Variants in CIITA observed in about 807,000 individuals in gnomAD.
The protein encoded by CIITA is class II major histocompatibility complex transactivator.
In CIITA, 72 loss-of-function variants were observed where a neutral mutation model predicts 115.1. The observed-to-expected ratio is 0.63, with a 90% CI of 0.52 to 0.76. The LOEUF (loss-of-function observed/expected upper bound fraction) is 0.76. Ranked by LOEUF, CIITA falls within the 30% of genes least tolerant of loss-of-function variation. The pLI, the probability that CIITA is intolerant of heterozygous loss-of-function variation, is 0.00. For synonymous variants in CIITA, 763 were observed against 635.6 expected (o/e 1.20, Z -3.02); for missense variants, 1,617 against 1,463.8 (o/e 1.10, Z -1.71).
rs2040561752 is a variant in CIITA at position 10,927,081 on chromosome 16, A to G, written c.*3226A>G. The G allele has an allele frequency of 6.6e-6, 1 of 152,256 alleles. No individual in the cohort carries two copies. 9.4% of individuals were successfully genotyped at this position (152,256 alleles called of 1,614,324 possible). A position where few individuals can be genotyped will look rare whatever the true frequency, so the allele number is the denominator to read the frequency against. ...CAGTCTCCTCATTTGTAAAATGGGC[A>G]TAACCACAGCACCTTCTTTATAGGA... On this transcript the variant is annotated 3_prime_UTR_variant, in exon 20 of 20. Transcript: ENST00000324288.
In CIITA at chr16:10,898,710, G is replaced by A. The variant is rs1328291685; in HGVS notation, c.336G>A (p.Glu112=). ...DQYVFQDSQL[E]GLSKDIFKHI... ...ATGTCTTCCAGGACTCCCAGCTGGA[G>A]GGCCTGAGCAAGGACATTTTCAGTA... Residue 112 remains glutamate (E), a synonymous_variant, in exon 4 of 20, where the codon GAG becomes GAA. Transcript: ENST00000324288. 1 of 1,612,034 alleles carries A rather than the reference G, an allele frequency of 6.2e-7. No homozygotes were observed. The highest frequency in any genetic ancestry group is 1.3e-5 in the African/African-American group (1 of 74,802).
rs912526124 is a variant in CIITA at position 10,896,416 on chromosome 16, A to T, written c.295+652A>T. ...GGGTTGGAAGATTTGCTAAGGCTTA[A>T]GCAGAGAAGCTAATTTGTAGCCTTA... On this transcript the variant is annotated intron_variant, in intron 3 of 19. Coordinates refer to ENST00000324288, the MANE Select transcript of CIITA (RefSeq NM_000246.4). Among the ~76,000 whole-genome samples, 3 of 152,230 alleles carry T rather than the reference A, an allele frequency of 2.0e-5. No individual in the cohort carries two copies. In the South Asian group the frequency reaches 6.2e-4, roughly 31 times the overall value.
At chr16:10,892,304 A>T (rs1256291526) in intron 1 of CIITA, among the ~76,000 whole-genome samples, 3 of 151,956 alleles carry the variant, frequency 2.0e-5, no homozygotes, top group Non-Finnish European at 4.4e-5. Context: ...AGCCTGGGCG[A>T]CAGAGTGAGA....
chr16:10,895,461 T>G, intron 2 of CIITA, 33 bp downstream of exon 2: 5 of 1,611,188 alleles, frequency 3.1e-6, no homozygotes, highest in Non-Finnish European at 4.2e-6. Context: ...TCTTCCGGTA[T>G]CCCCCACCCC....
Position 10,934,167 on chromosome 16 carries a change from G to C in CIITA, c.*10312G>C, listed in dbSNP as rs1370454443. 6.6e-6 allele frequency: 1 copy of C among 152,230 alleles called. No individual in the cohort carries two copies. The highest frequency in any genetic ancestry group is 1.5e-5 in the Non-Finnish European group (1 of 68,042). 9.4% of individuals were successfully genotyped at this position (152,230 alleles called of 1,614,324 possible). A position where few individuals can be genotyped will look rare whatever the true frequency, so the allele number is the denominator to read the frequency against. ...CGCCCAAGACTCCCTGAGCCCTCTGGAAGGGCAGCACTTGCCCAGTGCCTC... is the reference window on the plus strand; with the variant it reads ...CGCCCAAGACTCCCTGAGCCCTCTGCAAGGGCAGCACTTGCCCAGTGCCTC... On this transcript the variant is annotated 3_prime_UTR_variant, in exon 20 of 20. Coordinates refer to ENST00000324288, the MANE Select transcript of CIITA (RefSeq NM_000246.4). This position sits in a 1 kb window ranked among gnomAD's most constrained non-coding sequence, Gnocchi z 4.2.
At chr16:10,903,076 T>TA (rs781094112) in intron 8 of CIITA, among the ~76,000 whole-genome samples, 4 of 152,192 alleles carry the variant, frequency 2.6e-5, no homozygotes, top group East Asian at 1.9e-4. Context: ...TTATTTTTTT[T>TA]AAATGTTTTT....
chr16:10,884,566 C>T (rs1374605378), intron 1 of CIITA, among the ~76,000 whole-genome samples: 1 of 152,122 alleles, frequency 6.6e-6, no homozygotes, highest in Admixed American at 6.5e-5. Context: ...AAGGGCACTC[C>T]ACCACACCCA....
chr16:10,873,648 C>G (rs2035631334), upstream of CIITA, among the ~76,000 whole-genome samples: 6 of 152,166 alleles, frequency 3.9e-5, no homozygotes, highest in Admixed American at 3.9e-4. Context: ...GAGACTGCAG[C>G]AAGGACCGGC....
chr16:10,866,718 C>G (rs2035092362), intron 1 of CIITA: 1 of 375,758 alleles, frequency 2.7e-6, no homozygotes, highest in South Asian at 2.1e-5. Flanking sequence ...GCAGTGAAAA[C>G]TTGGAGCACT....
intron 10 of CIITA, among the ~76,000 whole-genome samples, chr16:10,905,102 A>G (rs1263038387): frequency 6.6e-6 from 1 of 152,204 alleles, no homozygotes; most frequent in African/African-American, 2.4e-5. Flanking sequence ...TGATGAAGTG[A>G]GTGAGTGGAT....
chr16:10,908,450 T>C, intron 11 of CIITA: 2 of 521,548 alleles, frequency 3.8e-6, no homozygotes, highest in Non-Finnish European at 7.0e-6. Flanking sequence ...TTTTATTCTT[T>C]CCACCCCCTG....
rs75369652 is a variant in CIITA at position 10,898,650 on chromosome 16, G to A, written c.296-20G>A. The A allele has an allele frequency of 2.0e-3, 3,147 of 1,601,212 alleles. 3 individuals carry two copies. Among genetic ancestry groups the A allele is most frequent in the Middle Eastern group, 4.5e-3 (27 of 6,036 alleles). On this transcript the variant is annotated intron_variant, in intron 3 of 19. Coordinates refer to ENST00000324288, the MANE Select transcript of CIITA (RefSeq NM_000246.4). ...CAGTTAGACCTTGTTGATTGACTGCGCTTTTCCTTGTCTGGGCAGCGGAAC... is the reference window on the plus strand; with the variant it reads ...CAGTTAGACCTTGTTGATTGACTGCACTTTTCCTTGTCTGGGCAGCGGAAC...
rs1377427684 is a variant in CIITA, at chr16:10,906,912, C to T, written c.1420C>T (p.Pro474Ser). The part of the protein sequence containing the change: ...GLQDLLFSLG[P>S]QPLVAADEVF... ...GCAGGATCTGCTCTTCTCCCTGGGC[C>T]CACAGCCACTCGTGGCGGCCGATGA... The change falls in exon 11 of 20, where the codon CCA becomes TCA. Residue 474 changes from proline (P) to serine (S), a missense_variant. Pro to Ser is a moderately conservative substitution (Grantham distance 74, BLOSUM62 -1). Coordinates refer to ENST00000324288, the MANE Select transcript of CIITA (RefSeq NM_000246.4). 1 of 1,613,538 alleles carries T rather than the reference C, an allele frequency of 6.2e-7. No individual in the cohort carries two copies. Among genetic ancestry groups the T allele is most frequent in the Non-Finnish European group, 8.5e-7 (1 of 1,180,030 alleles).
chr16:10,906,472 A>T (rs909482150), intron 10 of CIITA, 27 bp from the exon 11 acceptor site: 11 of 1,610,046 alleles, frequency 6.8e-6, no homozygotes, highest in Non-Finnish European at 8.5e-6. Flanking sequence ...ACATACCCCC[A>T]CCCTGACACG....
At chr16:10,918,874 A>G (rs2040111826) in intron 16 of CIITA, among the ~76,000 whole-genome samples, 1 of 152,156 alleles carries the variant, frequency 6.6e-6, no homozygotes, top group African/African-American at 2.4e-5. Context: ...AAGGCTAACC[A>G]CGTACGTCAG....
rs756879407 is a variant in CIITA, at chr16:10,906,796, G to C, written c.1304G>C (p.Arg435Pro). The C allele has an allele frequency of 3.1e-6, 5 of 1,612,196 alleles. No homozygotes were observed. Among genetic ancestry groups the C allele is most frequent in the Non-Finnish European group, 1.7e-6 (2 of 1,180,010 alleles). Residue 435 changes from arginine to proline, a missense_variant, in exon 11 of 20, where the codon CGG (arginine) becomes CCG (proline). Arg to Pro is a moderately radical substitution (Grantham distance 103). Transcript: ENST00000324288. The part of the protein sequence containing the change: ...GKSYWAGAVS[R>P]AWACGRLPQY... ...AGCTATTGGGCTGGGGCAGTGAGCCGGGCCTGGGCTTGTGGCCGGCTTCCC... is the reference window on the plus strand; with the variant it reads ...AGCTATTGGGCTGGGGCAGTGAGCCCGGCCTGGGCTTGTGGCCGGCTTCCC...
In CIITA at chr16:10,935,801, T is replaced by C. The variant is rs867344507; in HGVS notation, c.*11946T>C. The stretch of plus-strand genomic sequence containing the variant: ...AGTATAACCATCAGACAAACCCAAA[T>C]TGAGAGACAGTTTACAAAACACCAG... On this transcript the variant is annotated 3_prime_UTR_variant, in exon 20 of 20. Transcript: ENST00000324288. The C allele has an allele frequency of 1.3e-5, 2 of 152,098 alleles. No individual in the cohort carries two copies. Among genetic ancestry groups the C allele is most frequent in the Admixed American group, 1.3e-4 (2 of 15,266 alleles). The allele number at this position is 152,098 out of a possible 1,614,324, so 9.4% of individuals were successfully genotyped here.
At position 10,895,649 on chromosome 16, in the gene CIITA, C is replaced by G. The variant is rs987647521; in HGVS notation, c.200-20C>G. ...CTTTCCAGAAATTTCCTTCTTCATC[C>G]AAGGGACTTTTCCTCCCAGAACCCG... is the stretch of plus-strand genomic sequence containing the variant. On this transcript the variant is annotated intron_variant, in intron 2 of 19. Transcript: ENST00000324288. 3 of 1,613,808 alleles carry G rather than the reference C, an allele frequency of 1.9e-6. No individual in the cohort carries two copies. In the Admixed American group the frequency reaches 5.0e-5, roughly 27 times the overall value.
intron 1 of CIITA, among the ~76,000 whole-genome samples, chr16:10,883,937 C>A (rs1275421819): frequency 2.0e-5 from 3 of 152,208 alleles, no homozygotes; most frequent in Non-Finnish European, 4.4e-5. Flanking sequence ...TAGCCTCCCC[C>A]ATGATGAACA....
Sources: gnomAD v4.1 joint callset for allele counts (sites outside exome capture counted in the v4.1 genomes callset) on GRCh38, gnomAD v4.1.1 for gene constraint, Gnocchi (gnomAD v3.1) non-coding constraint, MANE v1.5 for transcripts, NCBI Gene and HGNC (gene_info 2026-07-23, HGNC 2026-07-21) for gene names.